The following DSCAM variants were observed in gnomAD, a reference collection of about 807,000 sequenced individuals.
DSCAM encodes the protein DS cell adhesion molecule.
In DSCAM, 47 loss-of-function variants were observed where a neutral mutation model predicts 217.7. That is an observed-to-expected ratio of 0.22 (90% CI 0.17 to 0.28). The LOEUF is 0.28. DSCAM is among the 10% of genes least tolerant of loss of function. DSCAM has a pLI of 1.00. For synonymous variants in DSCAM, 1,056 were observed against 1,015.3 expected (o/e 1.04, Z -0.76); for missense variants, 2,080 against 2,618.3 (o/e 0.79, Z 4.49).
intron 2 of DSCAM, among the ~76,000 whole-genome samples, chr21:40,699,342 A>C (rs2090630157): frequency 6.6e-6 from 1 of 152,148 alleles, no homozygotes; most frequent in Non-Finnish European, 1.5e-5. Context: ...ACACAACAAT[A>C]CTGAAATTAA....
intron 5 of DSCAM, among the ~76,000 whole-genome samples, chr21:40,349,315 A>AG (rs796387091): frequency 4.0e-5 from 6 of 151,368 alleles, no homozygotes; most frequent in African/African-American, 1.5e-4. Flanking sequence ...CACAATTGTG[A>AG]GGAAAAAAAA....
At position 40,144,247 on chromosome 21, in the gene DSCAM, T is replaced by G. The variant is rs1388282311; in HGVS notation, c.3259+244A>C. On this transcript the variant is annotated intron_variant, in intron 17 of 32. Transcript: ENST00000400454. The surrounding 1 kb of genome is among the most constrained non-coding windows in gnomAD (Gnocchi z 4.8). Reference sequence around the variant, plus strand: ...AAAAGCCCAATTCTTGTACCTGAAATGAATGAGGAAGAGTCTGAAAAGGGA... The same window carrying G: ...AAAAGCCCAATTCTTGTACCTGAAAGGAATGAGGAAGAGTCTGAAAAGGGA... 7.2e-5 allele frequency among the ~76,000 whole-genome samples: 11 copies of G among 152,068 alleles called. No homozygotes were observed. Among genetic ancestry groups the G allele is most frequent in the Admixed American group, 7.2e-4 (11 of 15,288 alleles).
intron 1 of DSCAM, among the ~76,000 whole-genome samples, chr21:40,842,547 A>G (rs1320228727): frequency 2.0e-5 from 3 of 152,138 alleles, no homozygotes; most frequent in Admixed American, 6.5e-5. Flanking sequence ...TCCAATCTAC[A>G]GTGTTCACAG....
chr21:40,279,295 A>G (rs2073728628), intron 10 of DSCAM, among the ~76,000 whole-genome samples: 1 of 152,248 alleles, frequency 6.6e-6, no homozygotes, highest in Non-Finnish European at 1.5e-5. Context: ...TCAGAATTAC[A>G]CCAGCAACTT....
chr21:40,214,271 G>A (rs889611671), intron 11 of DSCAM, among the ~76,000 whole-genome samples: 2 of 152,218 alleles, frequency 1.3e-5, no homozygotes, highest in South Asian at 2.1e-4. Flanking sequence ...GTGGGAGCCT[G>A]TGTTCTAAGA....
chr21:40,646,129 G>T (rs1462493024), intron 3 of DSCAM, among the ~76,000 whole-genome samples: 1 of 152,264 alleles, frequency 6.6e-6, no homozygotes, highest in East Asian at 1.9e-4. Flanking sequence ...AATTAATCCT[G>T]AAAATCACTA....
At chr21:40,551,091 T>G (rs1198157412) in intron 3 of DSCAM, among the ~76,000 whole-genome samples, 2 of 152,102 alleles carry the variant, frequency 1.3e-5, no homozygotes, top group East Asian at 3.9e-4. Context: ...TTTAAAGAGG[T>G]TTATTCTGAG....
At chr21:40,533,077 T>C in intron 3 of DSCAM, among the ~76,000 whole-genome samples, 1 of 151,724 alleles carries the variant, frequency 6.6e-6, no homozygotes. Flanking sequence ...AATGGAAAAA[T>C]GTTTCACTTG....
chr21:40,241,293 G>GA (rs1295355949), intron 11 of DSCAM, among the ~76,000 whole-genome samples: 4 of 151,932 alleles, frequency 2.6e-5, no homozygotes, highest in Admixed American at 6.6e-5. Flanking sequence ...ATTTACAAGG[G>GA]AAAAACAAAC....
chr21:40,267,568 ATGT>A (rs1205500357), intron 11 of DSCAM, among the ~76,000 whole-genome samples: 1 of 152,304 alleles, frequency 6.6e-6, no homozygotes, highest in Admixed American at 6.5e-5. Flanking sequence ...ACTGACCAAA[ATGT>A]TGTTATGCAG....
intron 32 of DSCAM, among the ~76,000 whole-genome samples, chr21:40,021,549 G>A (rs1471076055): frequency 6.6e-6 from 1 of 152,202 alleles, no homozygotes; most frequent in Admixed American, 6.5e-5. Context: ...CTGCCTTTCT[G>A]GAGGGAACCC....
At chr21:40,300,405 C>T (rs2074002003) in intron 9 of DSCAM, among the ~76,000 whole-genome samples, 1 of 152,246 alleles carries the variant, frequency 6.6e-6, no homozygotes, top group Non-Finnish European at 1.5e-5. Flanking sequence ...TCCACTGCCA[C>T]ACCCCAGTCA....
chr21:40,394,215 G>C (rs1046994577), intron 3 of DSCAM, among the ~76,000 whole-genome samples: 1 of 152,138 alleles, frequency 6.6e-6, no homozygotes, highest in Non-Finnish European at 1.5e-5. Context: ...ATAAAGATAA[G>C]AACAATGATC....
intron 29 of DSCAM, among the ~76,000 whole-genome samples, chr21:40,054,657 A>T (rs2088984991): frequency 6.6e-6 from 1 of 152,246 alleles, no homozygotes; most frequent in Non-Finnish European, 1.5e-5. Flanking sequence ...AGCCTGCCTC[A>T]GGGTGTTTCC....
At chr21:40,503,095 A>G (rs546467946) in intron 3 of DSCAM, among the ~76,000 whole-genome samples, 1 of 152,270 alleles carries the variant, frequency 6.6e-6, no homozygotes, top group Non-Finnish European at 1.5e-5. Flanking sequence ...TGTTCTCTTT[A>G]CTTCCTACTT....
In DSCAM at chr21:40,607,617, G is replaced by T. The variant is rs746799418; in HGVS notation, c.508+85193C>A. 1.5e-3 allele frequency among the ~76,000 whole-genome samples: 229 copies of T among 152,110 alleles called. 1 individual carries two copies. Among genetic ancestry groups the T allele is most frequent in the Admixed American group, 2.9e-3 (45 of 15,284 alleles). On this transcript the variant is annotated intron_variant, in intron 3 of 32. Coordinates refer to ENST00000400454, the MANE Select transcript of DSCAM (RefSeq NM_001389.5). ...GTAATGGAAACATGGGCGGGTGGGG[G>T]TTTCCCTCACACTGTTCTCATGCTA... is the stretch of plus-strand genomic sequence containing the variant.
intron 15 of DSCAM, among the ~76,000 whole-genome samples, chr21:40,176,636 G>A (rs185078962): frequency 2.6e-5 from 4 of 151,062 alleles, no homozygotes; most frequent in Admixed American, 6.5e-5. Flanking sequence ...ACAAAGACAA[G>A]TTATCTGCTG....
chr21:40,123,444 A>C (rs2090057062), intron 20 of DSCAM, among the ~76,000 whole-genome samples: 1 of 152,172 alleles, frequency 6.6e-6, no homozygotes, highest in Non-Finnish European at 1.5e-5. Context: ...AAATGTCATA[A>C]TGTTTCCATG....
chr21:40,419,131 C>T (rs9979428), intron 3 of DSCAM, among the ~76,000 whole-genome samples: 54,689 of 138,940 alleles, frequency 0.39, 11,939 homozygotes, highest in Non-Finnish European at 0.48. Context: ...CCACCATACC[C>T]GGCTAGCTTT....
Sources: gnomAD v4.1 joint callset for allele counts (sites outside exome capture counted in the v4.1 genomes callset) on GRCh38, gnomAD v4.1.1 for gene constraint, Gnocchi (gnomAD v3.1) non-coding constraint, MANE v1.5 for transcripts, NCBI Gene and HGNC (gene_info 2026-07-23, HGNC 2026-07-21) for gene names.